The following PPP2R3A variants were observed in gnomAD, a reference collection of about 807,000 sequenced individuals.
The protein encoded by PPP2R3A is serine/threonine-protein phosphatase 2A regulatory subunit B'' subunit alpha.
Under a neutral mutation model 106.9 loss-of-function variants are expected in PPP2R3A, and 80 were observed. The observed-to-expected ratio is 0.75, with a 90% CI of 0.62 to 0.90. The LOEUF (loss-of-function observed/expected upper bound fraction) is 0.90, where lower values mean the gene tolerates loss of function less well. Among genes scored for constraint, PPP2R3A ranks in the 40% least tolerant of loss-of-function variants. PPP2R3A has a pLI of 0.00. For synonymous variants in PPP2R3A, 483 were observed against 468.3 expected, an observed-to-expected ratio of 1.03 and a Z score of -0.41; for missense variants, 1,386 against 1,350.4, an observed-to-expected ratio of 1.03 and a Z score of -0.41.
chr3:136,147,674 A>T lies in PPP2R3A; in HGVS notation c.*2508A>T, dbSNP rs1277769276. ...GACCTTAATGCTAATTCAATGAGAA[A>T]TGAGTTTAATAGCATAACATTACCA... On this transcript the variant is annotated 3_prime_UTR_variant, in exon 14 of 14. Transcript: ENST00000264977. 1 of 152,478 alleles carries T rather than the reference A, an allele frequency of 6.6e-6. No individual in the cohort carries two copies. Among genetic ancestry groups the T allele is most frequent in the South Asian group, 2.1e-4 (1 of 4,834 alleles). The allele number at this position is 152,478 out of a possible 1,614,324, so 9.4% of individuals were successfully genotyped here.
chr3:136,046,594 G>C (rs1406893147), intron 4 of PPP2R3A, among the ~76,000 whole-genome samples: 3 of 152,084 alleles, frequency 2.0e-5, no homozygotes, highest in African/African-American at 4.8e-5. Context: ...AAACAAAAAA[G>C]CTCCATCCAA....
intron 10 of PPP2R3A, among the ~76,000 whole-genome samples, chr3:136,091,971 A>G (rs993910022): frequency 6.6e-6 from 1 of 152,138 alleles, no homozygotes; most frequent in African/African-American, 2.4e-5. Flanking sequence ...CTGAAATCCA[A>G]AATTCTCCAG....
Position 136,001,328 on chromosome 3 carries a change from G to A in PPP2R3A, c.-171G>A. 1 of 609,974 alleles carries A rather than the reference G, an allele frequency of 1.6e-6. No individual in the cohort carries two copies. The allele number at this position is 609,974 out of a possible 1,614,324, so 37.8% of individuals were successfully genotyped here. Reference sequence around the variant, plus strand: ...GCAGCAGCTACTGTATCCTGATAGTGACCAAACCTCAAATATAAATGGTTT... The same window carrying A: ...GCAGCAGCTACTGTATCCTGATAGTAACCAAACCTCAAATATAAATGGTTT... On this transcript the variant is annotated 5_prime_UTR_variant, in exon 2 of 14. Coordinates refer to ENST00000264977, the MANE Select transcript of PPP2R3A (RefSeq NM_002718.5).
chr3:135,987,116 C>T (rs1035975132), intron 1 of PPP2R3A, among the ~76,000 whole-genome samples: 1 of 152,128 alleles, frequency 6.6e-6, no homozygotes, highest in Non-Finnish European at 1.5e-5. Context: ...CTCCTTGAAA[C>T]ACCTTCACTG....
At chr3:136,107,436 T>G (rs1937536740) in intron 13 of PPP2R3A, among the ~76,000 whole-genome samples, 3 of 140,192 alleles carry the variant, frequency 2.1e-5, no homozygotes, top group South Asian at 4.7e-4. Flanking sequence ...GAATTCTTTT[T>G]TTTTTTTTTT....
chr3:136,000,846 G>C (rs140838851), intron 1 of PPP2R3A, among the ~76,000 whole-genome samples: 1 of 152,094 alleles, frequency 6.6e-6, no homozygotes, highest in African/African-American at 2.4e-5. Flanking sequence ...TCATCTCAGA[G>C]GCAGATGTGA....
At chr3:135,978,287 T>G (rs893641026) in intron 1 of PPP2R3A, among the ~76,000 whole-genome samples, 1 of 149,390 alleles carries the variant, frequency 6.7e-6, no homozygotes, top group South Asian at 2.1e-4. Context: ...GTTCACCAAA[T>G]ACAAATAGTA....
chr3:136,002,884 C>G lies in PPP2R3A; in HGVS notation c.1386C>G (p.Pro462=), dbSNP rs745444740. 2 of 1,612,892 alleles carry G rather than the reference C, an allele frequency of 1.2e-6. No individual in the cohort carries two copies. The highest frequency in any genetic ancestry group is 1.7e-6 in the Non-Finnish European group (2 of 1,179,730). The change falls in exon 2 of 14, where the codon CCC becomes CCG. Residue 462 remains proline, a synonymous_variant. Transcript: ENST00000264977. The part of the protein sequence containing the change: ...PEHATHLKKC[P]TPMQNEIGKI... The stretch of plus-strand genomic sequence containing the variant: ...ATGCTACTCATCTTAAAAAATGCCC[C>G]ACCCCAATGCAAAATGAAATTGGTA...
intron 2 of PPP2R3A, among the ~76,000 whole-genome samples, chr3:136,008,679 T>C (rs887849794): frequency 6.6e-6 from 1 of 152,194 alleles, no homozygotes; most frequent in Non-Finnish European, 1.5e-5. Context: ...ACACAAAGTT[T>C]GGGGTACATA....
chr3:136,113,796 GA>G (rs111452142), intron 13 of PPP2R3A, among the ~76,000 whole-genome samples: 333 of 128,524 alleles, frequency 2.6e-3, no homozygotes, highest in Middle Eastern at 7.8e-3. Flanking sequence ...CCCTGTGTCA[GA>G]AAAAAAAAAA....
In PPP2R3A at chr3:136,087,947, A is replaced by G. The variant is rs768776350; in HGVS notation, c.2837+16A>G. The G allele has an allele frequency of 3.8e-6, 6 of 1,589,392 alleles. No individual in the cohort carries two copies. The African/African-American group carries it at 8.1e-5, about 21-fold the overall frequency. On this transcript the variant is annotated intron_variant, in intron 9 of 13. Transcript: ENST00000264977. Reference sequence around the variant, plus strand: ...CAGTAACAAGGTAAGAAAACGTTTAATGCTGTGTTTAAAAATGAACTACAA... The same window carrying G: ...CAGTAACAAGGTAAGAAAACGTTTAGTGCTGTGTTTAAAAATGAACTACAA...
At chr3:135,993,541 T>TA (rs1236971071) in intron 1 of PPP2R3A, among the ~76,000 whole-genome samples, 5 of 152,232 alleles carry the variant, frequency 3.3e-5, no homozygotes, top group Non-Finnish European at 7.3e-5. Context: ...CATTGCTAAT[T>TA]ACCCAAAAGA....
At chr3:136,088,844 T>C (rs1937023347) in intron 9 of PPP2R3A, among the ~76,000 whole-genome samples, 1 of 152,228 alleles carries the variant, frequency 6.6e-6, no homozygotes, top group Non-Finnish European at 1.5e-5. Context: ...TAATGATGAA[T>C]GATGTTGAGA....
Position 136,003,374 on chromosome 3 carries a change from C to T in PPP2R3A, c.1876C>T (p.Gln626Ter). The T allele has an allele frequency of 6.2e-7, 1 of 1,613,988 alleles. No homozygotes were observed. The highest frequency in any genetic ancestry group is 8.5e-7 in the Non-Finnish European group (1 of 1,179,924). ...SQEKEMMQIL[Q>*]ETLTTSSQAN... The stretch of plus-strand genomic sequence containing the variant: ...AGAAAAGGAAATGATGCAAATTCTA[C>T]AGGAAACCTTGACAACTTCCTCCCA... Residue 626 changes from glutamine (Q) to a stop codon, truncating the protein, a stop_gained, in exon 2 of 14, where the codon CAG becomes TAG. Coordinates refer to ENST00000264977, the MANE Select transcript of PPP2R3A (RefSeq NM_002718.5). LOFTEE classifies it high-confidence loss of function.
intron 5 of PPP2R3A, among the ~76,000 whole-genome samples, chr3:136,054,253 C>CT (rs35801926): frequency 0.034 from 2,691 of 80,124 alleles, 30 homozygotes; most frequent in African/African-American, 0.045. Flanking sequence ...CTTCACAATT[C>CT]TTTTTTTTTT....
intron 1 of PPP2R3A, among the ~76,000 whole-genome samples, chr3:135,980,266 A>G (rs1937522703): frequency 6.6e-6 from 1 of 151,814 alleles, no homozygotes; most frequent in South Asian, 2.1e-4. Flanking sequence ...ATTGGAAAGC[A>G]TGTGACACAT....
At chr3:135,977,448 T>C (rs1937447911) in intron 1 of PPP2R3A, among the ~76,000 whole-genome samples, 1 of 152,264 alleles carries the variant, frequency 6.6e-6, no homozygotes, top group African/African-American at 2.4e-5. Context: ...AATGTGGTCA[T>C]GATCTGTAAT....
chr3:136,061,453 C>T (rs1936071468), intron 5 of PPP2R3A, among the ~76,000 whole-genome samples: 2 of 152,014 alleles, frequency 1.3e-5, no homozygotes, highest in Non-Finnish European at 2.9e-5. Context: ...CATGGTGAAA[C>T]CACATCTCTA....
At chr3:136,121,718 G>GT (rs1938004596) in intron 13 of PPP2R3A, among the ~76,000 whole-genome samples, 1 of 151,864 alleles carries the variant, frequency 6.6e-6, no homozygotes, top group South Asian at 2.1e-4. Context: ...ATTTTGAATG[G>GT]TTTTTTTAAT....
Sources: allele counts gnomAD v4.1 joint callset (sites outside exome capture counted in the v4.1 genomes callset), GRCh38; gene constraint gnomAD v4.1.1; transcripts MANE v1.5; gene names NCBI Gene and HGNC (gene_info 2026-07-23, HGNC 2026-07-21).